Variants in CHD1 observed in about 807,000 individuals in gnomAD.
The protein encoded by CHD1 is ATP-dependent chromatin remodeler CHD1.
A neutral mutation model predicts 224.2 loss-of-function variants in CHD1; 36 were observed. That is an observed-to-expected ratio of 0.16 (90% CI 0.12 to 0.21). The LOEUF is 0.21. Ranked by LOEUF, CHD1 falls within the 10% of genes least tolerant of loss-of-function variation. The probability of loss-of-function intolerance (pLI) is 1.00; values close to 1 mark genes in which losing one functional copy is unlikely to be tolerated. For missense variants in CHD1, 1,378 were observed against 1,994.8 expected (o/e 0.69, Z 5.89); for synonymous variants, 668 against 658.3 (o/e 1.01, Z -0.23).
chr5:98,855,784 C>A lies in CHD1; in HGVS notation c.*596G>T, dbSNP rs1163188048. ...TTTAATATTTACAATAATTTACAGC[C>A]ATTTTTTTTGTAAAAAGGCATAATA... On this transcript the variant is annotated 3_prime_UTR_variant, in exon 36 of 36. Coordinates refer to ENST00000614616, the MANE Select transcript of CHD1 (RefSeq NM_001270.4). 1 of 151,164 alleles carries A rather than the reference C, an allele frequency of 6.6e-6. No individual in the cohort carries two copies. The highest frequency in any genetic ancestry group is 6.6e-5 in the Admixed American group (1 of 15,136). 9.4% of individuals were successfully genotyped at this position (151,164 alleles called of 1,614,324 possible). A position where few individuals can be genotyped will look rare whatever the true frequency, so the allele number is the denominator to read the frequency against.
chr5:98,901,009 C>T lies in CHD1; in HGVS notation c.661G>A (p.Asp221Asn). 1 of 1,613,848 alleles carries T rather than the reference C, an allele frequency of 6.2e-7. No individual in the cohort carries two copies. Among genetic ancestry groups the T allele is most frequent in the Non-Finnish European group, 8.5e-7 (1 of 1,179,862 alleles). The change falls in exon 7 of 36, where the codon GAT (aspartate) becomes AAT (asparagine). Residue 221 changes from aspartate (D) to asparagine (N), a missense_variant. By Grantham distance (23) the Asp-to-Asn change is conservative. This residue lies in a region of CHD1 where 306 missense variants were observed against 298.1 expected (regional missense o/e 1.03). Coordinates refer to ENST00000614616, the MANE Select transcript of CHD1 (RefSeq NM_001270.4). Reference sequence around the variant, plus strand: ...TTATCATTATCATAATCTTCTTCATCATCATCCTCCTCAGATGAATCAATC... The same window carrying T: ...TTATCATTATCATAATCTTCTTCATTATCATCCTCCTCAGATGAATCAATC... Reference protein sequence around the residue: ...RQIDSSEEDDDEEDYDNDKRS... With the variant: ...RQIDSSEEDDNEEDYDNDKRS...
At chr5:98,914,650 G>A (rs1340863811) in intron 2 of CHD1, among the ~76,000 whole-genome samples, 3 of 152,092 alleles carry the variant, frequency 2.0e-5, no homozygotes, top group East Asian at 1.9e-4. Context: ...ATTCAGCAAC[G>A]GTATCTTTCT....
At chr5:98,886,486 G>A (rs976140034) in intron 17 of CHD1, among the ~76,000 whole-genome samples, 5 of 152,094 alleles carry the variant, frequency 3.3e-5, no homozygotes, top group African/African-American at 7.2e-5. Context: ...TTTAGAAATG[G>A]CAATGATTTT....
chr5:98,885,770 A>G, intron 17 of CHD1, 121 bp from the exon 18 acceptor site: 1 of 634,048 alleles, frequency 1.6e-6, no homozygotes. Flanking sequence ...TATAATAGAA[A>G]GTACTTACTA....
chr5:98,888,453 G>A (rs1409566122), intron 16 of CHD1, among the ~76,000 whole-genome samples: 1 of 152,146 alleles, frequency 6.6e-6, no homozygotes, highest in African/African-American at 2.4e-5. Context: ...CCTAGGTTTT[G>A]TTATACTATC....
chr5:98,871,667 G>GATAA (rs1749359666), intron 28 of CHD1, among the ~76,000 whole-genome samples: 1 of 152,010 alleles, frequency 6.6e-6, no homozygotes, highest in African/African-American at 2.4e-5. Context: ...TATTTAAGGT[G>GATAA]ATAAATGTTC....
At chr5:98,876,066 G>C (rs1749724717) in intron 24 of CHD1, among the ~76,000 whole-genome samples, 1 of 151,998 alleles carries the variant, frequency 6.6e-6, no homozygotes, top group Admixed American at 6.6e-5. Flanking sequence ...AGTAACTTTG[G>C]GAGTCATAAA....
intron 20 of CHD1, 92 bp from the exon 21 acceptor site, chr5:98,881,467 T>A: frequency 1.7e-6 from 1 of 599,542 alleles, no homozygotes; most frequent in Non-Finnish European, 2.8e-6. Context: ...TTTTCACCTT[T>A]ACAACAGTTA....
intron 31 of CHD1, among the ~76,000 whole-genome samples, chr5:98,865,284 G>A (rs1446015197): frequency 6.6e-6 from 1 of 152,190 alleles, no homozygotes; most frequent in Non-Finnish European, 1.5e-5. Context: ...GGCCGGCAAC[G>A]ATGGGAGGTG....
intron 2 of CHD1, among the ~76,000 whole-genome samples, chr5:98,916,545 CAAAAA>C (rs33988135): frequency 2.5e-5 from 1 of 40,418 alleles, no homozygotes; most frequent in East Asian, 9.3e-4. Context: ...AACTCCGTCT[CAAAAA>C]AAAAAAAAAA....
chr5:98,901,257 T>C lies in CHD1; in HGVS notation c.516A>G (p.Lys172=). 4.3e-6 allele frequency: 7 copies of C among 1,614,004 alleles called. No homozygotes were observed. The highest frequency in any genetic ancestry group is 5.9e-6 in the Non-Finnish European group (7 of 1,179,968). ...SDSESEEERE[K]SSCDETESDY... is the part of the protein sequence containing the mutation. The stretch of plus-strand genomic sequence containing the variant: ...CAGATTCTGTTTCATCACAACTGCT[T>C]TTCTCTCTCTCTTCTTCAGATTCTG... The change falls in exon 6 of 36, where the codon AAA becomes AAG. Residue 172 remains lysine, a synonymous_variant. Coordinates refer to ENST00000614616, the MANE Select transcript of CHD1 (RefSeq NM_001270.4).
rs1032861321 is a variant in CHD1, at chr5:98,863,319, T to TAA, written c.4427+87_4427+88dup. ...CCTCTTTAAAAATTATCTTGTTACC[T>TAA]AAACTTCAGAATCAGGAAAGAAAAC... On this transcript the variant is annotated intron_variant, in intron 32 of 35. Coordinates refer to ENST00000614616, the MANE Select transcript of CHD1 (RefSeq NM_001270.4). 62 of 729,526 alleles carry TAA rather than the reference T, an allele frequency of 8.5e-5. No individual in the cohort carries two copies. The African/African-American group carries it at 1.1e-3, about 13-fold the overall frequency. 45.2% of individuals were successfully genotyped at this position (729,526 alleles called of 1,614,324 possible).
intron 2 of CHD1, among the ~76,000 whole-genome samples, chr5:98,916,348 C>A (rs2112616303): frequency 1.3e-5 from 2 of 151,734 alleles, no homozygotes; most frequent in Middle Eastern, 6.8e-3. Context: ...GAGTTCGAGA[C>A]CAGCCTGACC....
At chr5:98,897,105 T>C (rs326468) in intron 11 of CHD1, 88 bp downstream of exon 11, 365,544 of 1,301,468 alleles carry the variant, frequency 0.28, 57,190 homozygotes, top group African/African-American at 0.58. Flanking sequence ...AGAGTCTTAT[T>C]CTTTATGTAA....
At chr5:98,926,739 T>A (rs953597650) in intron 1 of CHD1, among the ~76,000 whole-genome samples, 2 of 152,166 alleles carry the variant, frequency 1.3e-5, no homozygotes, top group Admixed American at 1.3e-4. Flanking sequence ...ATGCTACTGC[T>A]AATATACTTC....
At chr5:98,859,816 A>G (rs967952390) in intron 33 of CHD1, among the ~76,000 whole-genome samples, 156 bp downstream of exon 33, 2 of 152,100 alleles carry the variant, frequency 1.3e-5, no homozygotes, top group Non-Finnish European at 2.9e-5. Flanking sequence ...CTCTTCTGTG[A>G]ATCTCGCCTG....
At chr5:98,911,146 A>AAAAAAAAAAAATATATATATATATATAT (rs1491111295) in intron 2 of CHD1, among the ~76,000 whole-genome samples, 3 of 39,144 alleles carry the variant, frequency 7.7e-5, no homozygotes, top group Non-Finnish European at 9.0e-5. Context: ...AAAAAAAAAA[A>AAAAAAAAAAAATATATATATATATATAT]ATATATATAT....
rs148765913 is a variant in CHD1, at chr5:98,871,181, C to T, written c.3862-378G>A. ...CTTATATATAATGTACACAGAAATT[C>T]CTAGACTACAAGATGTCATCCTTCT... On this transcript the variant is annotated intron_variant, in intron 28 of 35. Transcript: ENST00000614616. 5.6e-3 allele frequency among the ~76,000 whole-genome samples: 846 copies of T among 151,672 alleles called. 8 individuals carry two copies. Among genetic ancestry groups the T allele is most frequent in the African/African-American group, 0.019 (784 of 41,388 alleles).
intron 27 of CHD1, 36 bp downstream of exon 27, chr5:98,872,381 A>G: frequency 6.3e-7 from 1 of 1,588,702 alleles, no homozygotes; most frequent in Non-Finnish European, 8.6e-7. Context: ...TTATTGAATA[A>G]CAAAAATCTT....
Sources: allele counts gnomAD v4.1 joint callset (sites outside exome capture counted in the v4.1 genomes callset), GRCh38; gene constraint gnomAD v4.1.1; regional missense constraint gnomAD v4.1.1; transcripts MANE v1.5; gene names NCBI Gene and HGNC (gene_info 2026-07-23, HGNC 2026-07-21).